HDAC8: variants seen among roughly 807,000 people sequenced by gnomAD.
HDAC8 encodes histone deacetylase 8.
HDAC8 carries 1 observed loss-of-function variant against 32.2 expected under a neutral mutation model. The ratio of observed to expected loss-of-function variants is 0.03; its 90% CI spans 0.01 to 0.15. The LOEUF (loss-of-function observed/expected upper bound fraction) is 0.15. Among genes scored for constraint, HDAC8 ranks in the 10% least tolerant of loss-of-function variants. The probability of loss-of-function intolerance (pLI) is 1.00; values close to 1 mark genes in which losing one functional copy is unlikely to be tolerated. For missense variants in HDAC8, 117 were observed against 300.0 expected (o/e 0.39, Z 4.51); for synonymous variants, 108 against 113.9 (o/e 0.95, Z 0.33).
intron 4 of HDAC8, among the ~76,000 whole-genome samples, chrX:72,516,760 A>G (rs1330968997): frequency 1.8e-5 from 2 of 112,058 alleles, no homozygotes; most frequent in Non-Finnish European, 3.8e-5. Context: ...TACAGTGGAC[A>G]TTATAAACTT....
chrX:72,373,428 A>G (rs1025104692), intron 9 of HDAC8, among the ~76,000 whole-genome samples: 25 of 111,958 alleles, frequency 2.2e-4, no homozygotes, highest in African/African-American at 7.5e-4. Context: ...GTCTTTATGG[A>G]TTTTCATATT....
At chrX:72,569,005 C>T (rs2051908303) in intron 2 of HDAC8, 121 bp from the exon 3 acceptor site, 1 of 709,417 alleles carries the variant, frequency 1.4e-6, no homozygotes, top group African/African-American at 2.2e-5. Flanking sequence ...TTCCAATAGG[C>T]TGGAGTAATA....
intron 6 of HDAC8, 21 bp from the exon 7 acceptor site, chrX:72,489,062 A>G: frequency 9.5e-7 from 1 of 1,051,719 alleles, no homozygotes; most frequent in Non-Finnish European, 1.3e-6. Context: ...GAAGAGCACT[A>G]TGATCAGTTA....
At chrX:72,431,625 A>G (rs782384786) in intron 9 of HDAC8, among the ~76,000 whole-genome samples, 1 of 110,804 alleles carries the variant, frequency 9.0e-6, no homozygotes, top group African/African-American at 3.3e-5. Flanking sequence ...CTATTCACCA[A>G]TCAATCTATT....
At chrX:72,512,463 T>C (rs2049619711) in intron 4 of HDAC8, among the ~76,000 whole-genome samples, 1 of 111,664 alleles carries the variant, frequency 9.0e-6, no homozygotes. Context: ...GAGTATGAGT[T>C]CAATTATATC....
At chrX:72,339,739 C>T (rs55853789) in intron 10 of HDAC8, among the ~76,000 whole-genome samples, 2,308 of 111,841 alleles carry the variant, frequency 0.021, 31 homozygotes, top group African/African-American at 0.044. Flanking sequence ...TTTCCAGCTG[C>T]TGCCCCATCA....
At chrX:72,479,402 A>G (rs983306455) in intron 7 of HDAC8, among the ~76,000 whole-genome samples, 1 of 111,528 alleles carries the variant, frequency 9.0e-6, no homozygotes, top group African/African-American at 3.3e-5. Flanking sequence ...TTTTCAGAGC[A>G]GAGTTATGTT....
chrX:72,557,142 G>T (rs2083021061), intron 4 of HDAC8, among the ~76,000 whole-genome samples: 1 of 111,369 alleles, frequency 9.0e-6, no homozygotes, highest in African/African-American at 3.3e-5. Context: ...GGCGGAGCTT[G>T]CAGTGAGCTG....
At chrX:72,554,342 A>C (rs1328245484) in intron 4 of HDAC8, among the ~76,000 whole-genome samples, 2 of 110,698 alleles carry the variant, frequency 1.8e-5, no homozygotes, top group East Asian at 5.7e-4. Context: ...CTTTGAAGGA[A>C]CTGGATCACT....
At chrX:72,427,351 T>A (rs1485444525) in intron 9 of HDAC8, among the ~76,000 whole-genome samples, 1 of 110,612 alleles carries the variant, frequency 9.0e-6, no homozygotes, top group Non-Finnish European at 1.9e-5. Flanking sequence ...CCAACCCAAA[T>A]GTCCAACAAT....
chrX:72,502,435 G>A (rs1439359481), intron 4 of HDAC8, among the ~76,000 whole-genome samples: 1 of 111,198 alleles, frequency 9.0e-6, no homozygotes, highest in Non-Finnish European at 1.9e-5. Context: ...ACACAAAAAA[G>A]GAAACAACAG....
At chrX:72,332,447 T>C (rs2043550169) in intron 10 of HDAC8, among the ~76,000 whole-genome samples, 1 of 111,613 alleles carries the variant, frequency 9.0e-6, no homozygotes, top group South Asian at 3.8e-4. Flanking sequence ...GCATCTGGTG[T>C]TGGTTTTTAT....
chrX:72,495,327 C>T (rs2048988440), intron 4 of HDAC8, 59 bp from the exon 5 acceptor site: 5 of 763,051 alleles, frequency 6.6e-6, no homozygotes, highest in East Asian at 3.4e-5. Flanking sequence ...GGAGTCTTTA[C>T]AGCCAAGGAT....
intron 4 of HDAC8, among the ~76,000 whole-genome samples, chrX:72,534,605 G>A (rs959611018): frequency 9.0e-6 from 1 of 111,274 alleles, no homozygotes; most frequent in South Asian, 3.7e-4. Flanking sequence ...CATTGCATCC[G>A]GCCCCTAGCA....
intron 4 of HDAC8, among the ~76,000 whole-genome samples, chrX:72,502,219 C>G (rs2049242505): frequency 8.9e-6 from 1 of 111,797 alleles, no homozygotes; most frequent in African/African-American, 3.3e-5. Context: ...ATGGTGATTT[C>G]TCAAAGAGTT....
At chrX:72,443,603 C>G (rs1270097447) in intron 9 of HDAC8, among the ~76,000 whole-genome samples, 47 of 111,093 alleles carry the variant, frequency 4.2e-4, no homozygotes, top group Non-Finnish European at 6.4e-4. Context: ...AAAATTGACA[C>G]CCTAACATCA....
At chrX:72,373,078 T>C (rs1555956961) in intron 9 of HDAC8, among the ~76,000 whole-genome samples, 1 of 111,676 alleles carries the variant, frequency 9.0e-6, no homozygotes, top group Admixed American at 9.5e-5. Context: ...AAAGTGAGGC[T>C]TAAAGCTATT....
At chrX:72,558,625 C>T (rs968915848) in intron 4 of HDAC8, among the ~76,000 whole-genome samples, 9 of 111,419 alleles carry the variant, frequency 8.1e-5, no homozygotes, top group East Asian at 2.8e-4. Context: ...AAACCCACGG[C>T]CAACATTATA....
At chrX:72,382,014 C>T (rs1225697838) in intron 9 of HDAC8, among the ~76,000 whole-genome samples, 1 of 112,300 alleles carries the variant, frequency 8.9e-6, no homozygotes, top group African/African-American at 3.2e-5. Flanking sequence ...TGGTTTATCT[C>T]CTGGCTGTGT....
Sources: gnomAD v4.1 joint callset for allele counts (sites outside exome capture counted in the v4.1 genomes callset) on GRCh38, gnomAD v4.1.1 for gene constraint, MANE v1.5 for transcripts, NCBI Gene and HGNC (gene_info 2026-07-23, HGNC 2026-07-21) for gene names.